The following KCNMB2 variants were observed in gnomAD, a reference collection of about 807,000 sequenced individuals.
The protein encoded by KCNMB2 is calcium-activated potassium channel subunit beta-2.
KCNMB2 carries 9 observed loss-of-function variants against 24.5 expected under a neutral mutation model. The ratio of observed to expected loss-of-function variants is 0.37; its 90% CI spans 0.22 to 0.64. The LOEUF (loss-of-function observed/expected upper bound fraction) is 0.64, where lower values mean the gene tolerates loss of function less well. Ranked by LOEUF, KCNMB2 falls within the 30% of genes least tolerant of loss-of-function variation. The pLI is 0.63. For missense variants in KCNMB2, 226 were observed against 284.3 expected, an observed-to-expected ratio of 0.79 and a Z score of 1.47; for synonymous variants, 109 against 104.4, an observed-to-expected ratio of 1.04 and a Z score of -0.27.
chr3:178,564,993 G>C (rs1313158214), intron 1 of KCNMB2, among the ~76,000 whole-genome samples: 1 of 151,976 alleles, frequency 6.6e-6, no homozygotes, highest in African/African-American at 2.4e-5. Context: ...TAAAGTATAT[G>C]AAATTAAATT....
chr3:178,726,458 A>AG (rs1201117947), intron 1 of KCNMB2, among the ~76,000 whole-genome samples: 26 of 152,034 alleles, frequency 1.7e-4, no homozygotes, highest in African/African-American at 6.3e-4. Flanking sequence ...CTTTTAGAGT[A>AG]GGTCTGATGG....
chr3:178,709,017 C>T (rs1007829148), intron 1 of KCNMB2, among the ~76,000 whole-genome samples: 2 of 152,116 alleles, frequency 1.3e-5, no homozygotes, highest in African/African-American at 4.8e-5. Context: ...AAGCTTAACT[C>T]CTCTTATAGG....
At chr3:178,665,781 G>A (rs935745283) in intron 1 of KCNMB2, among the ~76,000 whole-genome samples, 5 of 152,104 alleles carry the variant, frequency 3.3e-5, no homozygotes, top group African/African-American at 1.2e-4. Context: ...AGATACTCAC[G>A]AATGTGTGAA....
chr3:178,570,259 G>T (rs1020458062), intron 1 of KCNMB2, among the ~76,000 whole-genome samples: 51 of 152,150 alleles, frequency 3.4e-4, no homozygotes, highest in African/African-American at 1.1e-3. Flanking sequence ...TATGCTGGGA[G>T]ACAAATCATA....
At chr3:178,665,229 T>A (rs1459976941) in intron 1 of KCNMB2, among the ~76,000 whole-genome samples, 1 of 152,150 alleles carries the variant, frequency 6.6e-6, no homozygotes, top group Non-Finnish European at 1.5e-5. Context: ...ACAGGATTCA[T>A]TTGAGAGAGA....
At chr3:178,824,366 C>T (rs918922668) in intron 2 of KCNMB2, among the ~76,000 whole-genome samples, 3 of 152,150 alleles carry the variant, frequency 2.0e-5, no homozygotes, top group South Asian at 2.1e-4. Context: ...TCTCTTGTCA[C>T]TCATTGTCTT....
At chr3:178,712,644 T>C (rs760423198) in intron 1 of KCNMB2, among the ~76,000 whole-genome samples, 2 of 152,166 alleles carry the variant, frequency 1.3e-5, no homozygotes, top group Admixed American at 6.5e-5. Context: ...GCTGCTTTTA[T>C]TATCTTCACT....
chr3:178,654,324 C>T (rs1329981699), intron 1 of KCNMB2, among the ~76,000 whole-genome samples: 2 of 151,952 alleles, frequency 1.3e-5, no homozygotes, highest in Non-Finnish European at 1.5e-5. Context: ...ATACTTTAAA[C>T]TGAAGGGTAG....
intron 1 of KCNMB2, among the ~76,000 whole-genome samples, chr3:178,573,690 T>C (rs1158209038): frequency 2.3e-5 from 3 of 133,246 alleles, no homozygotes; most frequent in Admixed American, 8.8e-5. Context: ...AAAGCTGAAG[T>C]GAACCATGAT....
At chr3:178,671,894 T>C (rs528062485) in intron 1 of KCNMB2, among the ~76,000 whole-genome samples, 21 of 152,308 alleles carry the variant, frequency 1.4e-4, no homozygotes, top group Middle Eastern at 3.4e-3. Flanking sequence ...TTTCAGTTCG[T>C]TGGGTAACTA....
chr3:178,582,117 C>T (rs375364568), intron 1 of KCNMB2, among the ~76,000 whole-genome samples: 1 of 152,098 alleles, frequency 6.6e-6, no homozygotes, highest in East Asian at 1.9e-4. Flanking sequence ...AACCCAAATG[C>T]CCATCAATGA....
At chr3:178,770,414 T>C (rs1303489996) in intron 1 of KCNMB2, among the ~76,000 whole-genome samples, 1 of 152,206 alleles carries the variant, frequency 6.6e-6, no homozygotes, top group Non-Finnish European at 1.5e-5. Flanking sequence ...AAAATGCTGA[T>C]CAAGAGGGAT....
At chr3:178,754,150 GTATATATATATATATA>G (rs755809548) in intron 1 of KCNMB2, among the ~76,000 whole-genome samples, 1 of 106,278 alleles carries the variant, frequency 9.4e-6, no homozygotes, top group Middle Eastern at 5.1e-3. Flanking sequence ...ATATTCCATT[GTATATATATATATATA>G]TATATATATA....
At chr3:178,793,773 G>A (rs901303596) in intron 1 of KCNMB2, among the ~76,000 whole-genome samples, 1 of 152,140 alleles carries the variant, frequency 6.6e-6, no homozygotes, top group African/African-American at 2.4e-5. Context: ...CTGAACACCA[G>A]CAGGTGACTC....
At chr3:178,791,465 A>T (rs1175895156) in intron 1 of KCNMB2, among the ~76,000 whole-genome samples, 1 of 152,202 alleles carries the variant, frequency 6.6e-6, no homozygotes. Context: ...AAAAACAATG[A>T]ATCACACCGA....
rs1310767527 is a variant in KCNMB2, at chr3:178,568,799, ATAG to A, written c.-68+32089_-68+32091del. On this transcript the variant is annotated intron_variant, in intron 1 of 4. Transcript: ENST00000452583. ...GATAGATAGATAGATAGATAGATAG[ATAG>A]ATAGATAGATAGATAATAGATAGAT... 4.5e-4 allele frequency among the ~76,000 whole-genome samples: 41 copies of A among 90,412 alleles called. No homozygotes were observed. In the South Asian group the frequency reaches 0.014, roughly 30 times the overall value. 59.3% of individuals were successfully genotyped at this position (90,412 alleles called of 152,430 possible).
intron 1 of KCNMB2, among the ~76,000 whole-genome samples, chr3:178,573,746 CAAAAA>C (rs11348394): frequency 1.0e-4 from 8 of 78,968 alleles, no homozygotes; most frequent in East Asian, 3.6e-4. Context: ...GACCCTGTCT[CAAAAA>C]AAAAAAAAAA....
chr3:178,757,192 A>AG, intron 1 of KCNMB2: 1 of 148,868 alleles, frequency 6.7e-6, no homozygotes, highest in African/African-American at 2.5e-5. Context: ...AACCAAAAAA[A>AG]AAAAACAGTT....
At chr3:178,702,740 T>C (rs556951902) in intron 1 of KCNMB2, among the ~76,000 whole-genome samples, 1 of 152,246 alleles carries the variant, frequency 6.6e-6, no homozygotes, top group East Asian at 1.9e-4. Flanking sequence ...ATGAACCGAG[T>C]CTGAGACCAT....
Sources: allele counts gnomAD v4.1 joint callset (sites outside exome capture counted in the v4.1 genomes callset), GRCh38; gene constraint gnomAD v4.1.1; transcripts MANE v1.5; gene names NCBI Gene and HGNC (gene_info 2026-07-23, HGNC 2026-07-21).